The following VPS13B variants were observed in gnomAD, a reference collection of about 807,000 sequenced individuals.
The protein encoded by VPS13B is intermembrane lipid transfer protein VPS13B.
Under a neutral mutation model 426.4 loss-of-function variants are expected in VPS13B, and 285 were observed. That is an observed-to-expected ratio of 0.67 (90% CI 0.61 to 0.74). The LOEUF is 0.74. Ranked by LOEUF, VPS13B falls within the 30% of genes least tolerant of loss-of-function variation. VPS13B has a pLI of 0.00. For missense variants in VPS13B, 4,537 were observed against 4,782.6 expected (o/e 0.95, Z 1.51); for synonymous variants, 1,676 against 1,676.4 (o/e 1.00, Z 0.01).
In VPS13B at chr8:99,718,656, T is replaced by C. The variant is rs552854396; in HGVS notation, c.6657+1283T>C. Among the ~76,000 whole-genome samples, 12 of 151,736 alleles carry C rather than the reference T, an allele frequency of 7.9e-5. No homozygotes were observed. The South Asian group carries it at 2.5e-3, about 31-fold the overall frequency. ...CAATAATGGAGACATTAAATGTGAA[T>C]TTTTTTCTTTTTTTCTTTTTTTTTT... On this transcript the variant is annotated intron_variant, in intron 37 of 61. Transcript: ENST00000357162.
chr8:99,181,113 A>G lies in VPS13B; in HGVS notation c.2333+10950A>G, dbSNP rs965937412. On this transcript the variant is annotated intron_variant, in intron 16 of 61. Coordinates refer to ENST00000357162, the MANE Select transcript of VPS13B (RefSeq NM_152564.5). ...GAATGACCAATAATTAGTTATGATA[A>G]AATGGAAAAATGTAAATAGCAAATA... Among the ~76,000 whole-genome samples the G allele has an allele frequency of 2.0e-5, 3 of 152,196 alleles. No individual in the cohort carries two copies. In the East Asian group the frequency reaches 5.8e-4, roughly 29 times the overall value.
intron 15 of VPS13B, among the ~76,000 whole-genome samples, chr8:99,158,809 G>A (rs1291074228): frequency 2.0e-5 from 3 of 152,146 alleles, no homozygotes; most frequent in Non-Finnish European, 4.4e-5. Context: ...TGATGAAGAT[G>A]TACAGGGAGA....
In VPS13B at chr8:99,278,291, G is replaced by A. The variant is rs1301914643; in HGVS notation, c.2824+3037G>A. On this transcript the variant is annotated intron_variant, in intron 19 of 61. Transcript: ENST00000357162. ...TCAATTAGGAAGTGAGTTTTGAGAG[G>A]AGCTTATTACTTAGGCAGCCTTTTG... is the stretch of plus-strand genomic sequence containing the variant. Among the ~76,000 whole-genome samples the A allele has an allele frequency of 4.6e-5, 7 of 152,254 alleles. No homozygotes were observed. The South Asian group carries it at 8.3e-4, about 18-fold the overall frequency.
intron 30 of VPS13B, among the ~76,000 whole-genome samples, chr8:99,550,870 A>G (rs568791926): frequency 3.9e-5 from 6 of 152,208 alleles, no homozygotes; most frequent in African/African-American, 1.4e-4. Context: ...TAAAATATCT[A>G]ACTGAATTGT....
intron 30 of VPS13B, chr8:99,528,014 G>T (rs1822738120): frequency 6.6e-6 from 1 of 151,962 alleles, no homozygotes; most frequent in Non-Finnish European, 1.5e-5. Flanking sequence ...ATATGCTGGT[G>T]TATCCTCTAT....
intron 5 of VPS13B, among the ~76,000 whole-genome samples, chr8:99,104,455 TTGGTG>T (rs931059088): frequency 4.1e-4 from 62 of 152,164 alleles, no homozygotes; most frequent in African/African-American, 1.4e-3. Flanking sequence ...TTTACAAAGC[TTGGTG>T]AAGGCAAGGC....
chr8:99,085,245 G>A lies in VPS13B; in HGVS notation c.292-11067G>A, dbSNP rs201589592. ...TCTCTTTTGATCTTTGTTGGTTTAA[G>A]GTCTGTTTTATCAGAGACTAGGATT... On this transcript the variant is annotated intron_variant, in intron 3 of 61. Coordinates refer to ENST00000357162, the MANE Select transcript of VPS13B (RefSeq NM_152564.5). 5.4e-3 allele frequency among the ~76,000 whole-genome samples: 823 copies of A among 151,992 alleles called. 7 individuals are homozygous for A. The highest frequency in any genetic ancestry group is 6.4e-3 in the Non-Finnish European group (434 of 67,926).
intron 31 of VPS13B, among the ~76,000 whole-genome samples, chr8:99,561,039 C>A (rs1036776255): frequency 6.6e-6 from 1 of 152,098 alleles, no homozygotes; most frequent in Non-Finnish European, 1.5e-5. Context: ...GAGATAAATT[C>A]ACATAACATA....
intron 30 of VPS13B, among the ~76,000 whole-genome samples, chr8:99,542,790 A>G (rs1183069947): frequency 6.6e-6 from 1 of 152,142 alleles, no homozygotes; most frequent in African/African-American, 2.4e-5. Context: ...AACTCCCTCA[A>G]TTTTATTTGT....
chr8:99,210,350 C>A (rs900383136), intron 17 of VPS13B, among the ~76,000 whole-genome samples: 1 of 152,300 alleles, frequency 6.6e-6, no homozygotes, highest in African/African-American at 2.4e-5. Context: ...TTCTCAAACA[C>A]ATCTCCCATT....
intron 17 of VPS13B, among the ~76,000 whole-genome samples, chr8:99,257,140 G>A (rs1440853221): frequency 6.6e-6 from 1 of 152,136 alleles, no homozygotes; most frequent in Non-Finnish European, 1.5e-5. Flanking sequence ...CCTTAAGCTA[G>A]GATGAAAATC....
intron 21 of VPS13B, among the ~76,000 whole-genome samples, chr8:99,410,444 T>A (rs1815571566): frequency 6.6e-6 from 1 of 152,180 alleles, no homozygotes; most frequent in African/African-American, 2.4e-5. Context: ...ATTTAAGAAT[T>A]CTTTCTCAAA....
chr8:99,825,134 A>G (rs535324720), intron 51 of VPS13B, among the ~76,000 whole-genome samples: 15 of 152,252 alleles, frequency 9.9e-5, no homozygotes, highest in Admixed American at 6.5e-5. Context: ...CTAGTTCTAG[A>G]TCCTTGAGGA....
At chr8:99,643,743 A>G (rs1033026868) in intron 34 of VPS13B, among the ~76,000 whole-genome samples, 3 of 152,160 alleles carry the variant, frequency 2.0e-5, no homozygotes, top group African/African-American at 4.8e-5. Flanking sequence ...TGCAAACTCA[A>G]TCATATCAGC....
At chr8:99,478,321 G>T (rs749977616) in intron 24 of VPS13B, among the ~76,000 whole-genome samples, 1 of 149,362 alleles carries the variant, frequency 6.7e-6, no homozygotes, top group Non-Finnish European at 1.5e-5. Flanking sequence ...TGATCAGTTT[G>T]CTGTATAAGA....
intron 39 of VPS13B, among the ~76,000 whole-genome samples, chr8:99,752,561 A>T (rs1027448791): frequency 6.6e-6 from 1 of 152,216 alleles, no homozygotes; most frequent in African/African-American, 2.4e-5. Context: ...ATAGCCCTTT[A>T]CAGGCAAAGT....
At chr8:99,314,882 C>T (rs1278315896) in intron 19 of VPS13B, among the ~76,000 whole-genome samples, 1 of 152,034 alleles carries the variant, frequency 6.6e-6, no homozygotes, top group Non-Finnish European at 1.5e-5. Flanking sequence ...ATATTATGAC[C>T]TTCTTTGTGT....
intron 19 of VPS13B, among the ~76,000 whole-genome samples, chr8:99,296,967 G>T (rs1306002786): frequency 6.6e-6 from 1 of 152,016 alleles, no homozygotes; most frequent in African/African-American, 2.4e-5. Context: ...TGAACTAGAA[G>T]AGTGATAAAC....
intron 39 of VPS13B, among the ~76,000 whole-genome samples, chr8:99,737,207 G>T (rs183115275): frequency 1.6e-5 from 2 of 125,116 alleles, no homozygotes; most frequent in South Asian, 2.8e-4. Context: ...TGCAAGCTCC[G>T]CCTCCCGGGT....
Sources: gnomAD v4.1 joint callset for allele counts (sites outside exome capture counted in the v4.1 genomes callset) on GRCh38, gnomAD v4.1.1 for gene constraint, MANE v1.5 for transcripts, NCBI Gene and HGNC (gene_info 2026-07-23, HGNC 2026-07-21) for gene names.